Variants in LOC400499 observed in about 807,000 individuals in gnomAD.
the LOC400499 span, among the ~76,000 whole-genome samples, chr16:11,437,288 G>A: frequency 1.3e-5 from 2 of 152,172 alleles, no homozygotes; most frequent in Admixed American, 6.6e-5. Context: ...GGCAGGGCAC[G>A]ATGACTCACA....
chr16:11,429,820 T>C, the LOC400499 span, among the ~76,000 whole-genome samples: 1 of 151,958 alleles, frequency 6.6e-6, no homozygotes, highest in Non-Finnish European at 1.5e-5. Context: ...AAAATCCCCA[T>C]TTGGCAATCA....
At chr16:11,387,283 CACT>C in the LOC400499 span, 1 of 1,232,136 alleles carries the variant, frequency 8.1e-7, no homozygotes, top group African/African-American at 1.6e-5. Flanking sequence ...GCATCACCAC[CACT>C]GAGCGGTTCC....
the LOC400499 span, among the ~76,000 whole-genome samples, chr16:11,404,124 T>C: frequency 6.6e-6 from 1 of 152,072 alleles, no homozygotes; most frequent in Non-Finnish European, 1.5e-5. Flanking sequence ...AGTCACCTCC[T>C]CCAAGAGGCC....
the LOC400499 span, chr16:11,387,194 C>T: frequency 5.7e-6 from 7 of 1,232,154 alleles, no homozygotes; most frequent in Non-Finnish European, 5.1e-6. Flanking sequence ...TCGGAGCGGC[C>T]GCAGCAGCTT....
chr16:11,493,606 C>T, the LOC400499 span: 1 of 396,150 alleles, frequency 2.5e-6, no homozygotes, highest in East Asian at 3.6e-5. Flanking sequence ...CCACCACCAC[C>T]CAACCCCAAC....
the LOC400499 span, among the ~76,000 whole-genome samples, chr16:11,484,502 C>T: frequency 1.3e-5 from 2 of 152,098 alleles, no homozygotes; most frequent in Non-Finnish European, 2.9e-5. Context: ...GTAGAACAAA[C>T]TGATGCTGCC....
At chr16:11,410,133 G>A in the LOC400499 span, among the ~76,000 whole-genome samples, 5 of 151,152 alleles carry the variant, frequency 3.3e-5, no homozygotes, top group Non-Finnish European at 5.9e-5. Flanking sequence ...GACAGAGCAA[G>A]ACCCTGTCTC....
At chr16:11,525,635 C>T in the LOC400499 span, among the ~76,000 whole-genome samples, 1 of 152,128 alleles carries the variant, frequency 6.6e-6, no homozygotes, top group South Asian at 2.1e-4. Flanking sequence ...CAGCATCCTG[C>T]TTGTTTGCTC....
At chr16:11,492,168 G>A in the LOC400499 span, among the ~76,000 whole-genome samples, 2 of 152,078 alleles carry the variant, frequency 1.3e-5, no homozygotes, top group African/African-American at 4.8e-5. Context: ...GCCTTTAAAT[G>A]TCTTGGCCTT....
the LOC400499 span, among the ~76,000 whole-genome samples, chr16:11,504,985 T>C: frequency 6.6e-6 from 1 of 152,114 alleles, no homozygotes; most frequent in Non-Finnish European, 1.5e-5. Flanking sequence ...TTTTACTATG[T>C]TCCAGCAACT....
the LOC400499 span, among the ~76,000 whole-genome samples, chr16:11,394,770 C>T: frequency 1.3e-5 from 2 of 152,180 alleles, no homozygotes; most frequent in Middle Eastern, 3.2e-3. Context: ...GATGCCACCA[C>T]AGCCGTGGGT....
the LOC400499 span, chr16:11,521,853 G>A: frequency 2.5e-6 from 1 of 397,974 alleles, no homozygotes; most frequent in Non-Finnish European, 4.4e-6. Flanking sequence ...AAGCTCCTCT[G>A]TTGATTAAGC....
the LOC400499 span, among the ~76,000 whole-genome samples, chr16:11,380,078 G>T: frequency 6.6e-6 from 1 of 152,162 alleles, no homozygotes; most frequent in Non-Finnish European, 1.5e-5. Context: ...CGGAGTAGCT[G>T]AGACTACAAG....
the LOC400499 span, among the ~76,000 whole-genome samples, chr16:11,485,566 C>T: frequency 1.3e-5 from 2 of 152,132 alleles, no homozygotes; most frequent in Non-Finnish European, 2.9e-5. Context: ...TCTGCCCGTC[C>T]GCGCACCCCT....
the LOC400499 span, among the ~76,000 whole-genome samples, chr16:11,437,603 C>T: frequency 2.0e-5 from 3 of 152,048 alleles, no homozygotes; most frequent in African/African-American, 7.3e-5. Context: ...CACAGCAGCT[C>T]ACACCAGTAA....
chr16:11,527,089 C>G, the LOC400499 span, among the ~76,000 whole-genome samples: 1 of 152,234 alleles, frequency 6.6e-6, no homozygotes, highest in Admixed American at 6.5e-5. Flanking sequence ...GGACCAGGAA[C>G]GCGCAGCAGT....
the LOC400499 span, chr16:11,518,938 C>T: frequency 1.5e-5 from 6 of 399,042 alleles, no homozygotes; most frequent in East Asian, 2.1e-4. Context: ...CCACCTTGGC[C>T]CCCAGGATGG....
chr16:11,454,273 T>A, the LOC400499 span, among the ~76,000 whole-genome samples: 3 of 152,186 alleles, frequency 2.0e-5, no homozygotes, highest in Admixed American at 2.0e-4. Flanking sequence ...ACATTTAGGG[T>A]CTCAAAATGT....
the LOC400499 span, among the ~76,000 whole-genome samples, chr16:11,492,190 C>T: frequency 3.9e-5 from 6 of 152,148 alleles, no homozygotes; most frequent in African/African-American, 1.4e-4. Flanking sequence ...CTAGGCAATT[C>T]CTAAGCAATT....
Sources: gnomAD v4.1 joint callset for allele counts (sites outside exome capture counted in the v4.1 genomes callset) on GRCh38, gnomAD v4.1.1 for gene constraint, MANE v1.5 for transcripts.